The following ARB2A variants were observed in gnomAD, a reference collection of about 807,000 sequenced individuals.
ARB2A encodes the protein cotranscriptional regulator ARB2A.
At chr5:93,620,541 G>A in the ARB2A span, 1 of 154,270 alleles carries the variant, frequency 6.5e-6, no homozygotes, top group Non-Finnish European at 1.4e-5. Context: ...ATGGAAATCT[G>A]AAGTCTGGAA....
chr5:93,693,307 C>T, the ARB2A span, among the ~76,000 whole-genome samples: 1 of 151,872 alleles, frequency 6.6e-6, no homozygotes, highest in African/African-American at 2.4e-5. Flanking sequence ...AGACTGCTAG[C>T]CAGATTAACA....
At chr5:93,704,521 G>A in the ARB2A span, among the ~76,000 whole-genome samples, 1 of 152,200 alleles carries the variant, frequency 6.6e-6, no homozygotes, top group Non-Finnish European at 1.5e-5. Flanking sequence ...ACTTGATCAT[G>A]CCACTGCATT....
chr5:93,744,816 C>G, the ARB2A span, among the ~76,000 whole-genome samples: 1 of 152,172 alleles, frequency 6.6e-6, no homozygotes, highest in Non-Finnish European at 1.5e-5. Flanking sequence ...ACAAAAATCA[C>G]TCTTAGTAAG....
At chr5:93,651,014 C>T in the ARB2A span, among the ~76,000 whole-genome samples, 1 of 151,794 alleles carries the variant, frequency 6.6e-6, no homozygotes, top group Non-Finnish European at 1.5e-5. Flanking sequence ...ACCAAAAAAA[C>T]ACATGGAAAA....
chr5:93,920,443 T>C, the ARB2A span, among the ~76,000 whole-genome samples: 2 of 152,100 alleles, frequency 1.3e-5, no homozygotes, highest in African/African-American at 4.8e-5. Flanking sequence ...TCCACTTATA[T>C]GCAGAATATT....
At chr5:94,067,212 T>A in the ARB2A span, among the ~76,000 whole-genome samples, 4 of 152,156 alleles carry the variant, frequency 2.6e-5, no homozygotes, top group African/African-American at 9.7e-5. Flanking sequence ...AGGTCATATG[T>A]AACAAACTCA....
the ARB2A span, among the ~76,000 whole-genome samples, chr5:93,931,364 T>A: frequency 3.3e-5 from 5 of 152,190 alleles, no homozygotes; most frequent in South Asian, 1.0e-3. Flanking sequence ...CTCGGGAGGC[T>A]AAGGCAAGAA....
At chr5:93,824,119 GA>G in the ARB2A span, 1 of 1,536,942 alleles carries the variant, frequency 6.5e-7, no homozygotes, top group Non-Finnish European at 8.8e-7. Context: ...AAGGAGACTG[GA>G]ACTACAGAGA....
the ARB2A span, among the ~76,000 whole-genome samples, chr5:93,901,900 G>A: frequency 2.6e-5 from 4 of 151,998 alleles, no homozygotes; most frequent in African/African-American, 9.7e-5. Context: ...GACAGTTCCT[G>A]GAAGTTAAAT....
At chr5:93,997,972 A>T in the ARB2A span, among the ~76,000 whole-genome samples, 3 of 151,860 alleles carry the variant, frequency 2.0e-5, no homozygotes, top group African/African-American at 7.2e-5. Context: ...GCACCCAAAA[A>T]GATTCCCATA....
At chr5:93,831,806 G>A in the ARB2A span, among the ~76,000 whole-genome samples, 1 of 152,144 alleles carries the variant, frequency 6.6e-6, no homozygotes, top group Non-Finnish European at 1.5e-5. Flanking sequence ...CACAGTCGAT[G>A]GAGATAATAT....
chr5:93,870,930 T>C, the ARB2A span, among the ~76,000 whole-genome samples: 5 of 152,372 alleles, frequency 3.3e-5, no homozygotes, highest in South Asian at 1.0e-3. Flanking sequence ...GTGCACTTGA[T>C]TGCGTTTAGA....
chr5:93,638,474 G>A, the ARB2A span, among the ~76,000 whole-genome samples: 3 of 151,942 alleles, frequency 2.0e-5, no homozygotes, highest in Non-Finnish European at 4.4e-5. Flanking sequence ...GTATTTGTTG[G>A]TGCTACTATA....
At chr5:93,949,684 A>T in the ARB2A span, among the ~76,000 whole-genome samples, 2 of 152,124 alleles carry the variant, frequency 1.3e-5, no homozygotes, top group Admixed American at 6.5e-5. Flanking sequence ...TTAAATGTAC[A>T]ATCAATCATT....
chr5:93,831,202 G>T, the ARB2A span, among the ~76,000 whole-genome samples: 1 of 151,176 alleles, frequency 6.6e-6, no homozygotes, highest in Middle Eastern at 3.4e-3. Context: ...ACCCATCTGT[G>T]ACCCGGGGTT....
chr5:93,819,253 CTACTCATGTTGTTG>C, the ARB2A span, among the ~76,000 whole-genome samples: 3 of 147,428 alleles, frequency 2.0e-5, no homozygotes, highest in African/African-American at 7.5e-5. Context: ...ATATTTAAGA[CTACTCATGTTGTTG>C]TAATATACAT....
chr5:93,715,070 A>G, the ARB2A span, among the ~76,000 whole-genome samples: 154 of 152,316 alleles, frequency 1.0e-3, no homozygotes, highest in African/African-American at 3.0e-3. Context: ...ATTAACTTTT[A>G]CTATCTATAA....
chr5:93,722,431 A>G, the ARB2A span, among the ~76,000 whole-genome samples: 1 of 152,142 alleles, frequency 6.6e-6, no homozygotes, highest in African/African-American at 2.4e-5. Context: ...TATCATAATA[A>G]TGACAGCCTG....
the ARB2A span, among the ~76,000 whole-genome samples, chr5:93,696,765 T>C: frequency 6.6e-6 from 1 of 152,052 alleles, no homozygotes; most frequent in Admixed American, 6.6e-5. Context: ...ACTGTCTTTT[T>C]TAAAAAGGAC....
Sources: gnomAD v4.1 joint callset for allele counts (sites outside exome capture counted in the v4.1 genomes callset) on GRCh38, gnomAD v4.1.1 for gene constraint, MANE v1.5 for transcripts, NCBI Gene and HGNC (gene_info 2026-07-23, HGNC 2026-07-21) for gene names.